Variants in SLC11A1 observed in about 807,000 individuals in gnomAD.
SLC11A1 encodes solute carrier family 11 member 1.
Under a neutral mutation model 63.2 loss-of-function variants are expected in SLC11A1, and 59 were observed. The ratio of observed to expected loss-of-function variants is 0.93; its 90% CI spans 0.76 to 1.16. The LOEUF is 1.16. SLC11A1 is among the 50% of genes most tolerant of loss of function. SLC11A1 has a pLI of 0.00. For missense variants in SLC11A1, 688 were observed against 730.7 expected, an observed-to-expected ratio of 0.94 and a Z score of 0.67; for synonymous variants, 305 against 307.8, an observed-to-expected ratio of 0.99 and a Z score of 0.09.
At position 218,383,024 on chromosome 2, in the gene SLC11A1, G is replaced by A. The variant is rs200425007; in HGVS notation, c.72G>A (p.Pro24=). Residue 24 remains proline, a synonymous_variant, in exon 2 of 15, where the codon CCG becomes CCA. Coordinates refer to ENST00000233202, the MANE Select transcript of SLC11A1 (RefSeq NM_000578.4). ...GTTCCATCTCCAGCCCGACCAGCCCGACCAGCCCAGGGCCACAGCAAGCAC... is the reference window on the plus strand; with the variant it reads ...GTTCCATCTCCAGCCCGACCAGCCCAACCAGCCCAGGGCCACAGCAAGCAC... The part of the protein sequence containing the change: ...SYGSISSPTS[P]TSPGPQQAPP... 3.1e-4 allele frequency: 498 copies of A among 1,613,474 alleles called. 3 individuals are homozygous for A. In the South Asian group the frequency reaches 4.8e-3, roughly 16 times the overall value.
Position 218,386,709 on chromosome 2 carries a change from G to A in SLC11A1, c.468G>A (p.Thr156=), listed in dbSNP as rs767438872. 39 of 1,614,060 alleles carry A rather than the reference G, an allele frequency of 2.4e-5. No homozygotes were observed. Among genetic ancestry groups the A allele is most frequent in the South Asian group, 1.8e-4 (16 of 91,072 alleles). ...VGSDMQEVIG[T]AIAFNLLSAG... ...CCGACATGCAGGAAGTCATCGGCAC[G>A]GCCATTGCATTCAATCTGCTCTCAG... Residue 156 remains threonine, a synonymous_variant, in exon 5 of 15, where the codon ACG becomes ACA. Coordinates refer to ENST00000233202, the MANE Select transcript of SLC11A1 (RefSeq NM_000578.4).
At position 218,384,097 on chromosome 2, in the gene SLC11A1, C is replaced by T; in HGVS notation, c.151-146C>T. On this transcript the variant is annotated intron_variant, in intron 2 of 14. Transcript: ENST00000233202. The surrounding 1 kb of genome is among the most constrained non-coding windows in gnomAD (Gnocchi z 4.0). ...TCCTCCACCCATGCCCTCCCCATCC[C>T]TTGGGTGGCAGACCCAGGAATGGGC... The T allele has an allele frequency of 1.3e-6, 1 of 767,086 alleles. No homozygotes were observed. The highest frequency in any genetic ancestry group is 1.9e-6 in the Non-Finnish European group (1 of 513,124). The allele number at this position is 767,086 out of a possible 1,614,324, so 47.5% of individuals were successfully genotyped here.
intron 4 of SLC11A1, chr2:218,385,613 A>C (rs1696057085): frequency 2.7e-6 from 1 of 376,210 alleles, no homozygotes. Flanking sequence ...CTGGTCTCAA[A>C]CTCCTGACCT....
intron 11 of SLC11A1, chr2:218,391,812 A>G (rs1432996579): frequency 3.2e-6 from 1 of 308,970 alleles, no homozygotes; most frequent in East Asian, 8.4e-5. Context: ...TAGTAGAGAC[A>G]GGGTTTCGCC....
intron 6 of SLC11A1, 85 bp from the exon 7 acceptor site, chr2:218,387,480 G>A: frequency 2.2e-6 from 3 of 1,387,490 alleles, no homozygotes; most frequent in Non-Finnish European, 3.1e-6. Flanking sequence ...GTGCCTAGAA[G>A]CGCTCGTAGT....
At chr2:218,389,848 C>T in intron 8 of SLC11A1, 22 bp from the exon 9 acceptor site, 1 of 1,594,318 alleles carries the variant, frequency 6.3e-7, no homozygotes, top group Non-Finnish European at 8.5e-7. Context: ...TTGGCACTTC[C>T]CTCTCCCTTT....
rs373523933 is a variant in SLC11A1, at chr2:218,387,511, G to C, written c.572-54G>C. Reference sequence around the variant, plus strand: ...GTAGTATTAGCCATTACGAATTGTTGATGTCACAGATTTTTTTCGTTGGTT... The same window carrying C: ...GTAGTATTAGCCATTACGAATTGTTCATGTCACAGATTTTTTTCGTTGGTT... On this transcript the variant is annotated intron_variant, in intron 6 of 14. Transcript: ENST00000233202. The C allele has an allele frequency of 4.4e-6, 7 of 1,574,374 alleles. No individual in the cohort carries two copies. The African/African-American group carries it at 9.5e-5, about 21-fold the overall frequency.
chr2:218,384,515 C>T lies in SLC11A1; in HGVS notation c.273+150C>T. The T allele has an allele frequency of 4.9e-6, 4 of 823,004 alleles. No homozygotes were observed. The highest frequency in any genetic ancestry group is 7.1e-6 in the Non-Finnish European group (4 of 563,830). 51.0% of individuals were successfully genotyped at this position (823,004 alleles called of 1,614,324 possible). A position where few individuals can be genotyped will look rare whatever the true frequency, so the allele number is the denominator to read the frequency against. On this transcript the variant is annotated intron_variant, in intron 3 of 14. Transcript: ENST00000233202. This position sits in a 1 kb window ranked among gnomAD's most constrained non-coding sequence, Gnocchi z 4.0. ...CCCGAAAAGGGTCCCCAGGGCAGCC[C>T]TGCCAGAAGGTGGGGCATTTGTGTG...
Position 218,395,127 on chromosome 2 carries a change from G to C in SLC11A1, c.*92G>C. ...CGCGTGCAGGCAGCAGGATAGAGTG[G>C]GACAGTTCCTGAGACCAGCCAACCT... On this transcript the variant is annotated 3_prime_UTR_variant, in exon 15 of 15. Coordinates refer to ENST00000233202, the MANE Select transcript of SLC11A1 (RefSeq NM_000578.4). 1.0e-6 allele frequency: 1 copy of C among 972,740 alleles called. No homozygotes were observed. Among genetic ancestry groups the C allele is most frequent in the Non-Finnish European group, 1.6e-6 (1 of 643,538 alleles). The allele number at this position is 972,740 out of a possible 1,614,324, so 60.3% of individuals were successfully genotyped here.
At chr2:218,389,399 A>T (rs1696297404) in intron 8 of SLC11A1, among the ~76,000 whole-genome samples, 1 of 152,074 alleles carries the variant, frequency 6.6e-6, no homozygotes. Context: ...CAGAAAATTT[A>T]AAAATTAGCG....
intron 8 of SLC11A1, 87 bp downstream of exon 8, chr2:218,388,042 G>A: frequency 1.4e-6 from 2 of 1,411,056 alleles, no homozygotes; most frequent in Non-Finnish European, 9.4e-7. Flanking sequence ...CCTCCCCTCT[G>A]GCTCCTTCCC....
intron 12 of SLC11A1, 122 bp from the exon 13 acceptor site, chr2:218,393,998 T>G (rs1317601968): frequency 7.1e-6 from 6 of 847,380 alleles, no homozygotes; most frequent in Non-Finnish European, 1.1e-5. Flanking sequence ...GTAGGCTCAG[T>G]GTGGTTAGGG....
chr2:218,384,077 C>T lies in SLC11A1; in HGVS notation c.151-166C>T. ...ACTCATCAGAGCATGCTGCTTCCTC[C>T]ACCCATGCCCTCCCCATCCCTTGGG... On this transcript the variant is annotated intron_variant, in intron 2 of 14. Coordinates refer to ENST00000233202, the MANE Select transcript of SLC11A1 (RefSeq NM_000578.4). This position sits in a 1 kb window ranked among gnomAD's most constrained non-coding sequence, Gnocchi z 4.0. The T allele has an allele frequency of 1.7e-6, 1 of 578,452 alleles. No homozygotes were observed. Among genetic ancestry groups the T allele is most frequent in the East Asian group, 3.0e-5 (1 of 33,062 alleles). 35.8% of individuals were successfully genotyped at this position (578,452 alleles called of 1,614,324 possible).
rs1400354200 is a variant in SLC11A1 at position 218,395,643 on chromosome 2, G to A, written c.*608G>A. 1 of 152,458 alleles carries A rather than the reference G, an allele frequency of 6.6e-6. No individual in the cohort carries two copies. The highest frequency in any genetic ancestry group is 1.5e-5 in the Non-Finnish European group (1 of 68,170). The allele number at this position is 152,458 out of a possible 1,614,324, so 9.4% of individuals were successfully genotyped here. On this transcript the variant is annotated 3_prime_UTR_variant, in exon 15 of 15. Transcript: ENST00000233202. Reference sequence around the variant, plus strand: ...TAATTTGTGTATTTTCAGCAGAGACGGGGTTTGCCATGCTGGCCAGGCTGG... The same window carrying A: ...TAATTTGTGTATTTTCAGCAGAGACAGGGTTTGCCATGCTGGCCAGGCTGG...
At position 218,394,170 on chromosome 2, in the gene SLC11A1, C is replaced by T; in HGVS notation, c.1365C>T (p.Leu455=). ...TCACGTTCACCAGCATGCCCACCCT[C>T]ATGCAGGAGTTTGCCAATGGCCTGT... The part of the protein sequence containing the change: ...PILTFTSMPT[L]MQEFANGLLN... The change falls in exon 13 of 15, where the codon CTC becomes CTT. Residue 455 remains leucine, a synonymous_variant. Coordinates refer to ENST00000233202, the MANE Select transcript of SLC11A1 (RefSeq NM_000578.4). 6.2e-7 allele frequency: 1 copy of T among 1,614,196 alleles called. No homozygotes were observed. The highest frequency in any genetic ancestry group is 8.5e-7 in the Non-Finnish European group (1 of 1,180,026).
chr2:218,386,444 C>A (rs1405850697), intron 4 of SLC11A1, among the ~76,000 whole-genome samples, 191 bp from the exon 5 acceptor site: 3 of 145,662 alleles, frequency 2.1e-5, no homozygotes, highest in African/African-American at 7.7e-5. Flanking sequence ...AAGAGCAAAA[C>A]TCTATTTCGA....
chr2:218,391,311 G>GTTGGC, intron 10 of SLC11A1, 24 bp downstream of exon 10: 2 of 646,226 alleles, frequency 3.1e-6, no homozygotes, highest in Non-Finnish European at 2.8e-6. Context: ...GGTGGGGAGG[G>GTTGGC]CGTGACCCAG....
rs760601097 is a variant in SLC11A1, at chr2:218,384,409, G to A, written c.273+44G>A. The A allele has an allele frequency of 6.4e-7, 1 of 1,572,734 alleles. No individual in the cohort carries two copies. Among genetic ancestry groups the A allele is most frequent in the Non-Finnish European group, 8.7e-7 (1 of 1,150,170 alleles). On this transcript the variant is annotated intron_variant, in intron 3 of 14. Transcript: ENST00000233202. This position sits in a 1 kb window ranked among gnomAD's most constrained non-coding sequence, Gnocchi z 4.0. ...GAGTGGGGACACTTTCGAGAGGGAG[G>A]TGACCAGGCTAAGTGTTGAAGGCCC...
At chr2:218,387,710 G>C (rs1696181996) in intron 7 of SLC11A1, 78 bp downstream of exon 7, 5 of 1,612,102 alleles carry the variant, frequency 3.1e-6, no homozygotes, top group East Asian at 2.2e-5. Flanking sequence ...GCGGGCTGCG[G>C]GGGGCTGGGG....
Sources: gnomAD v4.1 joint callset for allele counts (sites outside exome capture counted in the v4.1 genomes callset) on GRCh38, gnomAD v4.1.1 for gene constraint, Gnocchi (gnomAD v3.1) non-coding constraint, MANE v1.5 for transcripts, NCBI Gene and HGNC (gene_info 2026-07-23, HGNC 2026-07-21) for gene names.